The following TCF21 variants were observed in gnomAD, a reference collection of about 807,000 sequenced individuals.
TCF21 encodes the protein transcription factor 21.
TCF21 carries 3 observed loss-of-function variants against 13.5 expected under a neutral mutation model. The observed-to-expected ratio is 0.22, with a 90% CI of 0.10 to 0.57. The LOEUF (loss-of-function observed/expected upper bound fraction) is 0.57. Among genes scored for constraint, TCF21 ranks in the 20% least tolerant of loss-of-function variants. TCF21 has a pLI of 0.92. For missense variants in TCF21, 181 were observed against 238.4 expected (o/e 0.76, Z 1.59); for synonymous variants, 92 against 101.7 (o/e 0.90, Z 0.57).
rs766654886 is a variant in TCF21 at position 133,889,470 on chromosome 6, A to G, written c.73A>G (p.Met25Val). Residue 25 changes from methionine (M) to valine (V), a missense_variant, in exon 1 of 2, where the codon ATG becomes GTG. This residue lies in a region of TCF21 where 91 missense variants were observed against 98.5 expected (regional missense o/e 0.92). Transcript: ENST00000367882. This position sits in a 1 kb window ranked among gnomAD's most constrained non-coding sequence, Gnocchi z 5.1. ...VEMLECDGLK[M>V]DSNKEFVTSN... ...GATGTTGGAATGTGACGGGTTGAAA[A>G]TGGATTCGAACAAGGAATTTGTGAC... is the stretch of plus-strand genomic sequence containing the variant. 1.2e-6 allele frequency: 2 copies of G among 1,614,016 alleles called. No homozygotes were observed. The highest frequency in any genetic ancestry group is 1.7e-6 in the Non-Finnish European group (2 of 1,180,010).
Position 133,891,847 on chromosome 6 carries a change from G to A in TCF21, c.*45G>A. On this transcript the variant is annotated 3_prime_UTR_variant, in exon 2 of 2. Transcript: ENST00000367882. ...GGAAAGGCGCGCTCCCGGGGGGAGC[G>A]GGCCCCGGGAAGGCGACCCCTGCCC... The A allele has an allele frequency of 1.9e-6, 3 of 1,605,168 alleles. No homozygotes were observed. Among genetic ancestry groups the A allele is most frequent in the Non-Finnish European group, 2.6e-6 (3 of 1,174,140 alleles).
At position 133,889,964 on chromosome 6, in the gene TCF21, T is replaced by A; in HGVS notation, c.450+117T>A. 3 of 1,162,240 alleles carry A rather than the reference T, an allele frequency of 2.6e-6. No individual in the cohort carries two copies. The highest frequency in any genetic ancestry group is 3.8e-6 in the Non-Finnish European group (3 of 791,418). 72.0% of individuals were successfully genotyped at this position (1,162,240 alleles called of 1,614,324 possible). ...TGTGGGCGCGGCGGTGACTTACACA[T>A]CTCGACCACCGCGGGCCTAGAGCCT... On this transcript the variant is annotated intron_variant, in intron 1 of 1. Transcript: ENST00000367882. The surrounding 1 kb of genome is among the most constrained non-coding windows in gnomAD (Gnocchi z 5.1).
downstream of TCF21, chr6:133,895,405 AG>A (rs1221055418): frequency 6.6e-6 from 1 of 152,242 alleles, no homozygotes; most frequent in Non-Finnish European, 1.5e-5. Flanking sequence ...TTTTTCTTAA[AG>A]AAGCTGCATA....
At chr6:133,890,398 G>C (rs1376837677) in intron 1 of TCF21, among the ~76,000 whole-genome samples, 3 of 152,130 alleles carry the variant, frequency 2.0e-5, no homozygotes, top group African/African-American at 7.2e-5. Flanking sequence ...TAAATATTCT[G>C]TGCTTCTCCT....
rs1219783177 is a variant in TCF21 at position 133,892,122 on chromosome 6, A to C, written c.*320A>C. ...AGCCTATCAATGTATCTTTTGTACA[A>C]TATGTTGTAAAATGTAGATCATAGG... On this transcript the variant is annotated 3_prime_UTR_variant, in exon 2 of 2. Transcript: ENST00000367882. 4 of 210,010 alleles carry C rather than the reference A, an allele frequency of 1.9e-5. No homozygotes were observed. Among genetic ancestry groups the C allele is most frequent in the Admixed American group, 1.5e-4 (3 of 19,566 alleles). 13.0% of individuals were successfully genotyped at this position (210,010 alleles called of 1,614,324 possible).
At chr6:133,892,376 G>A (rs904906955), downstream of TCF21, 6 of 152,124 alleles carry the variant, frequency 3.9e-5, no homozygotes, top group African/African-American at 1.4e-4. Flanking sequence ...AGAGATAGAA[G>A]AAAATTGCAT....
chr6:133,891,559 G>A, intron 1 of TCF21, 154 bp from the exon 2 acceptor site: 1 of 809,076 alleles, frequency 1.2e-6, no homozygotes, highest in East Asian at 2.7e-5. Flanking sequence ...CAGCCGCAGG[G>A]TGCGCTAGGA....
Position 133,889,905 on chromosome 6 carries a change from T to C in TCF21, c.450+58T>C, listed in dbSNP as rs757336364. 1.4e-4 allele frequency: 218 copies of C among 1,585,818 alleles called. No individual in the cohort carries two copies. The highest frequency in any genetic ancestry group is 1.8e-4 in the Non-Finnish European group (203 of 1,157,192). ...GGCGCGCCCGCACTCCCGCCTGCGG[T>C]GGGCGCGAGTGCGCGCGGGGCTGGG... is the stretch of plus-strand genomic sequence containing the variant. On this transcript the variant is annotated intron_variant, in intron 1 of 1. Coordinates refer to ENST00000367882, the MANE Select transcript of TCF21 (RefSeq NM_003206.4). This position sits in a 1 kb window ranked among gnomAD's most constrained non-coding sequence, Gnocchi z 5.1.
Position 133,889,423 on chromosome 6 carries a change from T to C in TCF21, c.26T>C (p.Val9Ala), listed in dbSNP as rs756380889. Residue 9 changes from valine (V) to alanine (A), a missense_variant, in exon 1 of 2, where the codon GTG (valine) becomes GCG (alanine). Coordinates refer to ENST00000367882, the MANE Select transcript of TCF21 (RefSeq NM_003206.4). The surrounding 1 kb of genome is among the most constrained non-coding windows in gnomAD (Gnocchi z 5.1). Reference sequence around the variant, plus strand: ...ATGTCCACCGGCTCCCTCAGCGATGTGGAGGACCTTCAAGAGGTGGAGATG... The same window carrying C: ...ATGTCCACCGGCTCCCTCAGCGATGCGGAGGACCTTCAAGAGGTGGAGATG... MSTGSLSD[V>A]EDLQEVEMLE... 3.1e-6 allele frequency: 5 copies of C among 1,613,994 alleles called. No individual in the cohort carries two copies. The highest frequency in any genetic ancestry group is 8.5e-7 in the Non-Finnish European group (1 of 1,179,980).
downstream of TCF21, chr6:133,895,097 C>T (rs1327067410): frequency 6.6e-6 from 1 of 152,098 alleles, no homozygotes; most frequent in Non-Finnish European, 1.5e-5. Context: ...TTCCCACTGT[C>T]AAACAGAGAC....
At chr6:133,891,230 A>C (rs909760318) in intron 1 of TCF21, among the ~76,000 whole-genome samples, 2 of 152,222 alleles carry the variant, frequency 1.3e-5, no homozygotes, top group Non-Finnish European at 2.9e-5. Flanking sequence ...GATGGTGATG[A>C]AAGGCGATGA....
chr6:133,891,916 T>A lies in TCF21; in HGVS notation c.*114T>A. 9.4e-7 allele frequency: 1 copy of A among 1,067,524 alleles called. No homozygotes were observed. Among genetic ancestry groups the A allele is most frequent in the Non-Finnish European group, 1.4e-6 (1 of 727,720 alleles). The allele number at this position is 1,067,524 out of a possible 1,614,324, so 66.1% of individuals were successfully genotyped here. Reference sequence around the variant, plus strand: ...GCTTCCCCCTCGCAATGCTCCTCTCTCTGTCCCACCCCGCGAGAACACTTT... The same window carrying A: ...GCTTCCCCCTCGCAATGCTCCTCTCACTGTCCCACCCCGCGAGAACACTTT... On this transcript the variant is annotated 3_prime_UTR_variant, in exon 2 of 2. Coordinates refer to ENST00000367882, the MANE Select transcript of TCF21 (RefSeq NM_003206.4).
chr6:133,892,450 G>A (rs954506553), downstream of TCF21: 4 of 152,054 alleles, frequency 2.6e-5, no homozygotes, highest in African/African-American at 7.2e-5. Context: ...GAAATATATC[G>A]GTTACTTTTA....
chr6:133,894,931 G>A (rs562175861), downstream of TCF21: 3 of 152,296 alleles, frequency 2.0e-5, no homozygotes, highest in African/African-American at 7.2e-5. Flanking sequence ...AGAATGAAGT[G>A]TTTCAAGTAA....
intron 1 of TCF21, among the ~76,000 whole-genome samples, 197 bp downstream of exon 1, chr6:133,890,044 C>T (rs1238837049): frequency 6.6e-6 from 1 of 152,164 alleles, no homozygotes; most frequent in Non-Finnish European, 1.5e-5. Flanking sequence ...GCCCTACCAG[C>T]CCCCGGAGCG....
Position 133,891,794 on chromosome 6 carries a change from G to C in TCF21, c.532G>C (p.Ala178Pro), listed in dbSNP as rs1307171511. Residue 178 changes from alanine to proline, a missense_variant, in exon 2 of 2, where the codon GCG becomes CCG. By Grantham distance (27) the Ala-to-Pro change is conservative (BLOSUM62 -1). Around this residue, in one of 3 missense-constraint regions of TCF21, gnomAD observed 55 missense variants for 59.5 expected, o/e 0.92. Transcript: ENST00000367882. Reference protein sequence around the residue: ...VTASRLCGTTAS With the variant: ...VTASRLCGTTPS ...CGCGAGCCGCTTATGTGGAACCACCGCGTCCTGACCTTGGAGGTGCGAGTC... is the reference window on the plus strand; with the variant it reads ...CGCGAGCCGCTTATGTGGAACCACCCCGTCCTGACCTTGGAGGTGCGAGTC... 3 of 1,613,918 alleles carry C rather than the reference G, an allele frequency of 1.9e-6. No homozygotes were observed. The highest frequency in any genetic ancestry group is 2.7e-5 in the African/African-American group (2 of 74,866).
chr6:133,889,922 G>T lies in TCF21; in HGVS notation c.450+75G>T. The T allele has an allele frequency of 6.5e-7, 1 of 1,540,114 alleles. No homozygotes were observed. The highest frequency in any genetic ancestry group is 1.1e-5 in the South Asian group (1 of 88,884). ...GCCTGCGGTGGGCGCGAGTGCGCGC[G>T]GGGCTGGGAGTGGGGGTGTGGGCGC... On this transcript the variant is annotated intron_variant, in intron 1 of 1. Coordinates refer to ENST00000367882, the MANE Select transcript of TCF21 (RefSeq NM_003206.4). This position sits in a 1 kb window ranked among gnomAD's most constrained non-coding sequence, Gnocchi z 5.1.
At chr6:133,895,458 G>A (rs184242531), downstream of TCF21, 3 of 152,178 alleles carry the variant, frequency 2.0e-5, no homozygotes, top group Non-Finnish European at 2.9e-5. Flanking sequence ...AGGATGGCAC[G>A]CAGGATTCCT....
At chr6:133,893,751 T>C (rs1775257730), downstream of TCF21, 1 of 152,186 alleles carries the variant, frequency 6.6e-6, no homozygotes, top group Admixed American at 6.5e-5. Flanking sequence ...ACAACCCCAA[T>C]CTATACATGG....
Sources: gnomAD v4.1 joint callset for allele counts (sites outside exome capture counted in the v4.1 genomes callset) on GRCh38, gnomAD v4.1.1 for gene constraint, gnomAD v4.1.1 regional missense constraint, Gnocchi (gnomAD v3.1) non-coding constraint, MANE v1.5 for transcripts, NCBI Gene and HGNC (gene_info 2026-07-23, HGNC 2026-07-21) for gene names.